The following INSL6 variants were observed in gnomAD, a reference collection of about 807,000 sequenced individuals.
The protein encoded by INSL6 is insulin-like peptide INSL6.
Under a neutral mutation model 9.4 loss-of-function variants are expected in INSL6, and 16 were observed. That is an observed-to-expected ratio of 1.70 (90% confidence interval 1.15 to 2.59). The LOEUF (loss-of-function observed/expected upper bound fraction) is 2.59, where lower values mean the gene tolerates loss of function less well. INSL6 is among the 30% of genes most tolerant of loss of function. INSL6 has a pLI of 0.00. For synonymous variants in INSL6, 154 were observed against 96.9 expected (o/e 1.59, Z -3.46); for missense variants, 391 against 257.3 (o/e 1.52, Z -3.56).
At chr9:5,055,067 T>A in the INSL6 span, among the ~76,000 whole-genome samples, 1 of 152,032 alleles carries the variant, frequency 6.6e-6, no homozygotes, top group African/African-American at 2.4e-5. Flanking sequence ...TAAATGGTTT[T>A]TTCATTTAAT....
intron 1 of INSL6, among the ~76,000 whole-genome samples, chr9:5,173,964 T>C (rs910963195): frequency 7.2e-5 from 11 of 152,250 alleles, no homozygotes; most frequent in African/African-American, 2.6e-4. Context: ...TTTGCCAAAT[T>C]TTTAAATTCA....
the INSL6 span, among the ~76,000 whole-genome samples, chr9:5,010,942 C>G: frequency 6.6e-6 from 1 of 152,208 alleles, no homozygotes; most frequent in Non-Finnish European, 1.5e-5. Flanking sequence ...TTCCCCCTCT[C>G]CCTACCAGTA....
chr9:5,145,585 A>T (rs1448664510), intron 2 of INSL6, among the ~76,000 whole-genome samples: 1 of 152,168 alleles, frequency 6.6e-6, no homozygotes, highest in Non-Finnish European at 1.5e-5. Flanking sequence ...CAGCTCTTTC[A>T]GATATACCAA....
chr9:5,119,625 A>C (rs940514131), downstream of INSL6, among the ~76,000 whole-genome samples: 8 of 152,204 alleles, frequency 5.3e-5, no homozygotes, highest in African/African-American at 1.9e-4. Context: ...TATGGCTAAG[A>C]TTATAACTTA....
At chr9:5,014,740 C>G in the INSL6 span, among the ~76,000 whole-genome samples, 1 of 152,092 alleles carries the variant, frequency 6.6e-6, no homozygotes, top group Non-Finnish European at 1.5e-5. Flanking sequence ...ATAGATGTAA[C>G]TTATATGAGA....
At chr9:5,024,028 A>G in the INSL6 span, among the ~76,000 whole-genome samples, 7 of 152,076 alleles carry the variant, frequency 4.6e-5, no homozygotes, top group African/African-American at 1.4e-4. Context: ...AGGCTGAGGC[A>G]GGCAGATCAC....
chr9:5,079,492 C>A, the INSL6 span, among the ~76,000 whole-genome samples: 1 of 147,118 alleles, frequency 6.8e-6, no homozygotes, highest in Non-Finnish European at 1.5e-5. Context: ...GCTTGTTGGT[C>A]CTTGGGTTTT....
chr9:5,167,828 C>G (rs1485140831), intron 1 of INSL6, among the ~76,000 whole-genome samples: 1 of 152,176 alleles, frequency 6.6e-6, no homozygotes, highest in Non-Finnish European at 1.5e-5. Flanking sequence ...CTGCTGGCAT[C>G]AGGTTAGCAC....
chr9:5,038,272 C>G, the INSL6 span, among the ~76,000 whole-genome samples: 2 of 152,082 alleles, frequency 1.3e-5, no homozygotes, highest in African/African-American at 4.8e-5. Flanking sequence ...TTGAATAGGT[C>G]TATGACAAAT....
At chr9:5,152,933 G>T (rs950742730) in intron 2 of INSL6, among the ~76,000 whole-genome samples, 1 of 152,012 alleles carries the variant, frequency 6.6e-6, no homozygotes, top group Non-Finnish European at 1.5e-5. Flanking sequence ...GCCTCACCCG[G>T]GAAGCACAAG....
intron 1 of INSL6, among the ~76,000 whole-genome samples, chr9:5,168,874 C>A (rs901984121): frequency 6.6e-6 from 1 of 151,764 alleles, no homozygotes; most frequent in African/African-American, 2.4e-5. Flanking sequence ...AACAGCAGGC[C>A]TCTCAGTGGA....
the INSL6 span, among the ~76,000 whole-genome samples, chr9:4,994,558 T>C: frequency 6.6e-6 from 1 of 152,216 alleles, no homozygotes; most frequent in African/African-American, 2.4e-5. Context: ...ATAAATAAAA[T>C]ATTTTAGACT....
the INSL6 span, among the ~76,000 whole-genome samples, chr9:4,996,997 G>A: frequency 0.18 from 26,267 of 147,380 alleles, 2,531 homozygotes; most frequent in Middle Eastern, 0.29. Context: ...GCTCGATCAC[G>A]GCTCACTGCA....
At chr9:5,070,978 T>C in the INSL6 span, among the ~76,000 whole-genome samples, 2 of 152,086 alleles carry the variant, frequency 1.3e-5, no homozygotes, top group Non-Finnish European at 2.9e-5. Flanking sequence ...AAACAATATA[T>C]AGAATGTGAA....
chr9:5,019,623 C>T, the INSL6 span, among the ~76,000 whole-genome samples: 1 of 152,062 alleles, frequency 6.6e-6, no homozygotes, highest in African/African-American at 2.4e-5. Flanking sequence ...TTCTTGTGAC[C>T]TTACTTCTTT....
At chr9:5,048,014 T>C in the INSL6 span, among the ~76,000 whole-genome samples, 1 of 152,342 alleles carries the variant, frequency 6.6e-6, no homozygotes, top group East Asian at 1.9e-4. Flanking sequence ...TTGTAACTTT[T>C]CTCTAGTGAA....
chr9:4,994,944 G>A, the INSL6 span, among the ~76,000 whole-genome samples: 1 of 115,406 alleles, frequency 8.7e-6, no homozygotes, highest in Non-Finnish European at 1.6e-5. Context: ...TTGTCAGGGC[G>A]TGTGTGTGTG....
the INSL6 span, among the ~76,000 whole-genome samples, chr9:5,104,670 G>C: frequency 6.6e-6 from 1 of 152,114 alleles, no homozygotes; most frequent in Non-Finnish European, 1.5e-5. Flanking sequence ...TAAAATACTG[G>C]CAAACCCAAT....
the INSL6 span, among the ~76,000 whole-genome samples, chr9:5,029,271 C>T: frequency 2.0e-5 from 3 of 152,098 alleles, no homozygotes; most frequent in Non-Finnish European, 4.4e-5. Flanking sequence ...GTTGCTGGAG[C>T]GGTCAGAACA....
Sources: allele counts gnomAD v4.1 joint callset (sites outside exome capture counted in the v4.1 genomes callset), GRCh38; gene constraint gnomAD v4.1.1; transcripts MANE v1.5; gene names NCBI Gene and HGNC (gene_info 2026-07-23, HGNC 2026-07-21).